Variants in C12orf42 observed in about 807,000 individuals in gnomAD.
C12orf42 encodes the protein chromosome 12 open reading frame 42, also known as uncharacterized protein C12orf42.
A neutral mutation model predicts 21.6 loss-of-function variants in C12orf42; 25 were observed. The observed-to-expected ratio is 1.16, with a 90% CI of 0.84 to 1.62. C12orf42 has a LOEUF of 1.62. Among genes scored for constraint, C12orf42 ranks in the 40% most tolerant of loss-of-function variants. The pLI, the probability that C12orf42 is intolerant of heterozygous loss-of-function variation, is 0.00. For synonymous variants in C12orf42, 174 were observed against 175.0 expected, an observed-to-expected ratio of 0.99 and a Z score of 0.05; for missense variants, 483 against 459.3, an observed-to-expected ratio of 1.05 and a Z score of -0.47.
intron 2 of C12orf42, among the ~76,000 whole-genome samples, chr12:103,449,572 T>A (rs1168004052): frequency 6.6e-6 from 1 of 152,060 alleles, no homozygotes; most frequent in Non-Finnish European, 1.5e-5. Flanking sequence ...TATGTTTTGG[T>A]GTGTAATACC....
At chr12:103,242,910 A>G (rs1430069143) in intron 10 of C12orf42, among the ~76,000 whole-genome samples, 2 of 152,096 alleles carry the variant, frequency 1.3e-5, no homozygotes, top group Admixed American at 1.3e-4. Context: ...CTTAAATCCA[A>G]TTTTCATGGT....
chr12:103,562,751 C>T, the C12orf42 span, among the ~76,000 whole-genome samples: 2 of 152,222 alleles, frequency 1.3e-5, no homozygotes, highest in East Asian at 3.9e-4. Flanking sequence ...GGGGATAGGC[C>T]CTTCCTCAGA....
At chr12:103,227,066 G>A in the C12orf42 span, among the ~76,000 whole-genome samples, 1 of 152,160 alleles carries the variant, frequency 6.6e-6, no homozygotes, top group Admixed American at 6.5e-5. Flanking sequence ...AGGCATTTAG[G>A]TTTTAAGTCA....
chr12:103,335,689 A>G (rs1426714660), intron 4 of C12orf42, among the ~76,000 whole-genome samples: 1 of 152,198 alleles, frequency 6.6e-6, no homozygotes, highest in Non-Finnish European at 1.5e-5. Flanking sequence ...GAATCTTGCT[A>G]TAGTTCAGTG....
chr12:103,517,155 C>T, the C12orf42 span, among the ~76,000 whole-genome samples: 1 of 152,176 alleles, frequency 6.6e-6, no homozygotes, highest in African/African-American at 2.4e-5. Context: ...GGATAAAACA[C>T]AGGGAAAGAG....
At chr12:103,449,423 C>CA (rs35558954) in intron 2 of C12orf42, among the ~76,000 whole-genome samples, 90,260 of 151,534 alleles carry the variant, frequency 0.6, 28,669 homozygotes, top group Admixed American at 0.71. Context: ...ACCAAAATCT[C>CA]AGAAATCACC....
the C12orf42 span, among the ~76,000 whole-genome samples, chr12:103,226,153 G>T: frequency 6.6e-6 from 1 of 152,224 alleles, no homozygotes; most frequent in African/African-American, 2.4e-5. Context: ...GCAAGCTCCT[G>T]GGGGAGGAGG....
At chr12:103,067,849 A>C in the C12orf42 span, among the ~76,000 whole-genome samples, 1 of 152,312 alleles carries the variant, frequency 6.6e-6, no homozygotes, top group Non-Finnish European at 1.5e-5. Flanking sequence ...ATTGACCCAG[A>C]CTATCAAGAT....
At chr12:103,143,251 G>T in the C12orf42 span, among the ~76,000 whole-genome samples, 844 of 152,328 alleles carry the variant, frequency 5.5e-3, 8 homozygotes, top group South Asian at 0.027. Context: ...CCCATGAAAG[G>T]AGGCGTTGGG....
the C12orf42 span, among the ~76,000 whole-genome samples, chr12:103,502,659 C>T: frequency 6.6e-6 from 1 of 152,176 alleles, no homozygotes; most frequent in Non-Finnish European, 1.5e-5. Flanking sequence ...CTGCCCGCTG[C>T]CAGCCTCACT....
At chr12:103,387,670 G>T (rs980677987) in intron 3 of C12orf42, among the ~76,000 whole-genome samples, 1 of 152,176 alleles carries the variant, frequency 6.6e-6, no homozygotes, top group Non-Finnish European at 1.5e-5. Context: ...CCTAGCAGTG[G>T]CTTGGTCTCT....
At chr12:103,158,630 C>T in the C12orf42 span, among the ~76,000 whole-genome samples, 7 of 152,018 alleles carry the variant, frequency 4.6e-5, no homozygotes, top group Admixed American at 4.6e-4. Context: ...CCCAAAATCC[C>T]AGCACTTTGG....
At chr12:103,378,713 T>G (rs892626797) in intron 3 of C12orf42, 4 of 152,154 alleles carry the variant, frequency 2.6e-5, no homozygotes, top group African/African-American at 9.7e-5. Context: ...CGTACCTGAG[T>G]TGGAATCCTG....
At chr12:103,263,278 T>G (rs896517614) in intron 10 of C12orf42, 11 of 152,260 alleles carry the variant, frequency 7.2e-5, no homozygotes, top group African/African-American at 2.4e-4. Context: ...TGTGCCCATG[T>G]ACCCTAGAAC....
chr12:103,179,499 G>A, the C12orf42 span, among the ~76,000 whole-genome samples: 7 of 152,154 alleles, frequency 4.6e-5, no homozygotes, highest in Admixed American at 4.6e-4. Context: ...GCATAAAATG[G>A]TGGGATTAGC....
At chr12:103,523,659 C>A in the C12orf42 span, among the ~76,000 whole-genome samples, 1 of 150,508 alleles carries the variant, frequency 6.6e-6, no homozygotes, top group African/African-American at 2.4e-5. Flanking sequence ...TATAGACACT[C>A]GGTGTTTAGA....
chr12:103,464,484 G>C (rs188485636), intron 2 of C12orf42, among the ~76,000 whole-genome samples: 4 of 151,336 alleles, frequency 2.6e-5, no homozygotes, highest in Admixed American at 2.0e-4. Flanking sequence ...CAGATAGATA[G>C]ATTGCAAAAA....
At chr12:103,553,533 A>G in the C12orf42 span, among the ~76,000 whole-genome samples, 2 of 152,212 alleles carry the variant, frequency 1.3e-5, no homozygotes, top group East Asian at 1.9e-4. Flanking sequence ...CGTCTTCACC[A>G]GCAACATTGT....
intron 10 of C12orf42, among the ~76,000 whole-genome samples, chr12:103,251,183 T>G (rs896156966): frequency 3.9e-5 from 6 of 152,112 alleles, no homozygotes; most frequent in African/African-American, 1.4e-4. Context: ...CATCAGACAC[T>G]TGGTTGCAAA....
Sources: gnomAD v4.1 joint callset for allele counts (sites outside exome capture counted in the v4.1 genomes callset) on GRCh38, gnomAD v4.1.1 for gene constraint, MANE v1.5 for transcripts, NCBI Gene and HGNC (gene_info 2026-07-23, HGNC 2026-07-21) for gene names.